Variants in EPC2 observed in about 807,000 individuals in gnomAD.
EPC2 encodes the protein enhancer of polycomb homolog 2.
Under a neutral mutation model 92.1 loss-of-function variants are expected in EPC2, and 14 were observed. The ratio of observed to expected loss-of-function variants is 0.15; its 90% CI spans 0.10 to 0.24. EPC2 has a LOEUF of 0.24. Ranked by LOEUF, EPC2 falls within the 10% of genes least tolerant of loss-of-function variation. The pLI, the probability that EPC2 is intolerant of heterozygous loss-of-function variation, is 1.00. For missense variants in EPC2, 755 were observed against 971.5 expected, an observed-to-expected ratio of 0.78 and a Z score of 2.96; for synonymous variants, 340 against 334.7, an observed-to-expected ratio of 1.02 and a Z score of -0.17.
chr2:148,698,420 G>A (rs1010633114), intron 2 of EPC2, among the ~76,000 whole-genome samples: 26 of 151,838 alleles, frequency 1.7e-4, no homozygotes, highest in Non-Finnish European at 2.8e-4. Context: ...GGTGGATCAC[G>A]AGGTCAGGAG....
intron 2 of EPC2, among the ~76,000 whole-genome samples, chr2:148,735,447 A>G (rs183470555): frequency 5.3e-5 from 8 of 151,708 alleles, no homozygotes; most frequent in African/African-American, 1.9e-4. Flanking sequence ...CTTTGGGTCC[A>G]TTTTTCTCTG....
At chr2:148,763,623 G>C (rs1683346718) in intron 6 of EPC2, among the ~76,000 whole-genome samples, 1 of 152,148 alleles carries the variant, frequency 6.6e-6, no homozygotes, top group Admixed American at 6.5e-5. Flanking sequence ...GGTCAAGAAA[G>C]AGTGTGGAGC....
intron 2 of EPC2, among the ~76,000 whole-genome samples, chr2:148,733,374 A>C (rs1682684119): frequency 6.6e-6 from 1 of 151,696 alleles, no homozygotes; most frequent in Admixed American, 6.6e-5. Flanking sequence ...CTAGTTAGTA[A>C]ATATATTGGG....
intron 2 of EPC2, among the ~76,000 whole-genome samples, chr2:148,730,906 A>G: frequency 6.6e-6 from 1 of 152,212 alleles, no homozygotes; most frequent in Non-Finnish European, 1.5e-5. Context: ...ATTTGTGCAT[A>G]TAACTTCATT....
chr2:148,740,774 T>C (rs1038163307), intron 2 of EPC2, among the ~76,000 whole-genome samples: 4 of 152,186 alleles, frequency 2.6e-5, no homozygotes, highest in Non-Finnish European at 4.4e-5. Context: ...TTAACTCTGC[T>C]CCACACTTTC....
At chr2:148,664,238 C>T (rs1681014103) in intron 1 of EPC2, among the ~76,000 whole-genome samples, 3 of 152,178 alleles carry the variant, frequency 2.0e-5, no homozygotes, top group Admixed American at 1.3e-4. Flanking sequence ...GTGGCTCACA[C>T]CTGTAATCCC....
chr2:148,752,982 A>C (rs1181381428), intron 3 of EPC2, among the ~76,000 whole-genome samples: 1 of 152,216 alleles, frequency 6.6e-6, no homozygotes, highest in East Asian at 1.9e-4. Context: ...AAAATAATAC[A>C]AGTAAAAAGA....
chr2:148,671,748 C>A (rs922695857), intron 1 of EPC2, among the ~76,000 whole-genome samples: 4 of 152,076 alleles, frequency 2.6e-5, no homozygotes, highest in Admixed American at 2.6e-4. Context: ...TATTTTTACC[C>A]TTTCTTAACC....
intron 1 of EPC2, among the ~76,000 whole-genome samples, chr2:148,660,164 A>G (rs200079093): frequency 1.3e-5 from 2 of 152,152 alleles, no homozygotes; most frequent in East Asian, 1.9e-4. Context: ...TCTATGTAAT[A>G]TATTTGTATG....
intron 1 of EPC2, among the ~76,000 whole-genome samples, chr2:148,652,389 T>G (rs1680704818): frequency 6.6e-6 from 1 of 152,222 alleles, no homozygotes. Context: ...ATGTGTTATG[T>G]TTTAAATGAA....
At chr2:148,781,363 T>G (rs992007159) in intron 10 of EPC2, among the ~76,000 whole-genome samples, 5 of 152,196 alleles carry the variant, frequency 3.3e-5, no homozygotes, top group African/African-American at 1.2e-4. Context: ...TCAAAGATAC[T>G]AAGTCTGAAT....
At chr2:148,673,081 T>C (rs933033689) in intron 1 of EPC2, among the ~76,000 whole-genome samples, 1 of 152,230 alleles carries the variant, frequency 6.6e-6, no homozygotes, top group Non-Finnish European at 1.5e-5. Flanking sequence ...CCCTTGTACA[T>C]GACAAGTTGT....
chr2:148,757,801 C>G (rs915293846), intron 4 of EPC2, among the ~76,000 whole-genome samples: 1 of 152,010 alleles, frequency 6.6e-6, no homozygotes, highest in East Asian at 1.9e-4. Flanking sequence ...CGCCATTGCA[C>G]TCCAGCCTGG....
chr2:148,654,556 G>A (rs1417277897), intron 1 of EPC2, among the ~76,000 whole-genome samples: 1 of 152,154 alleles, frequency 6.6e-6, no homozygotes, highest in Non-Finnish European at 1.5e-5. Flanking sequence ...TACTTAGGAG[G>A]CTGAAACTGG....
intron 4 of EPC2, among the ~76,000 whole-genome samples, chr2:148,757,333 G>A (rs961767386): frequency 1.3e-5 from 2 of 152,056 alleles, no homozygotes; most frequent in African/African-American, 2.4e-5. Flanking sequence ...CCGAGATCGC[G>A]CCACTGCACT....
At chr2:148,769,027 A>G in intron 7 of EPC2, 124 bp from the exon 8 acceptor site, 1 of 665,710 alleles carries the variant, frequency 1.5e-6, no homozygotes. Flanking sequence ...TGGGGAATTC[A>G]GTACTTATGA....
intron 1 of EPC2, chr2:148,645,438 C>T: frequency 2.5e-6 from 1 of 399,424 alleles, no homozygotes; most frequent in Middle Eastern, 6.8e-4. Context: ...AAGCGGCGGC[C>T]GGGAATGGCG....
intron 2 of EPC2, among the ~76,000 whole-genome samples, chr2:148,726,334 A>G (rs1223897352): frequency 6.6e-6 from 1 of 152,180 alleles, no homozygotes; most frequent in Non-Finnish European, 1.5e-5. Context: ...GCTGGATCAT[A>G]TAGTAGTTCT....
chr2:148,707,151 A>G (rs1682018488), intron 2 of EPC2, among the ~76,000 whole-genome samples: 2 of 152,204 alleles, frequency 1.3e-5, no homozygotes, highest in East Asian at 3.8e-4. Context: ...GGATGGAGGA[A>G]GATCTACCAA....
Sources: allele counts gnomAD v4.1 joint callset (sites outside exome capture counted in the v4.1 genomes callset), GRCh38; gene constraint gnomAD v4.1.1; transcripts MANE v1.5; gene names NCBI Gene and HGNC (gene_info 2026-07-23, HGNC 2026-07-21).